COL25A1: variants seen among roughly 807,000 people sequenced by gnomAD.
COL25A1 encodes collagen type XXV alpha 1 chain.
Under a neutral mutation model 128.4 loss-of-function variants are expected in COL25A1, and 103 were observed. The ratio of observed to expected loss-of-function variants is 0.80; its 90% CI spans 0.68 to 0.94. COL25A1 has a LOEUF of 0.94. Ranked by LOEUF, COL25A1 falls within the 40% of genes least tolerant of loss-of-function variation. The pLI is 0.00. For synonymous variants in COL25A1, 279 were observed against 277.2 expected, an observed-to-expected ratio of 1.01 and a Z score of -0.06; for missense variants, 745 against 840.0, an observed-to-expected ratio of 0.89 and a Z score of 1.40.
rs55997800 is a variant in COL25A1 at position 109,254,469 on chromosome 4, TTATATATATATATATA to T, written c.367+46098_367+46113del. Reference sequence around the variant, plus strand: ...GTGCTATGTACATGTAGGCATATGTTTATATATATATATATATATATATATATATATATATATGTAT... The same window carrying T: ...GTGCTATGTACATGTAGGCATATGTTTATATATATATATATATATATGTAT... On this transcript the variant is annotated intron_variant, in intron 3 of 37. Transcript: ENST00000399132. 7.5e-3 allele frequency among the ~76,000 whole-genome samples: 448 copies of T among 59,584 alleles called. 23 individuals are homozygous for T. The highest frequency in any genetic ancestry group is 0.019 in the African/African-American group (335 of 18,012). The allele number at this position is 59,584 out of a possible 152,430, so 39.1% of individuals were successfully genotyped here. A position where few individuals can be genotyped will look rare whatever the true frequency, so the allele number is the denominator to read the frequency against.
chr4:109,140,243 G>A (rs1349472223), intron 3 of COL25A1, among the ~76,000 whole-genome samples: 1 of 151,958 alleles, frequency 6.6e-6, no homozygotes, highest in African/African-American at 2.4e-5. Context: ...CTGAGGAATT[G>A]TGTGTGGTGT....
chr4:109,275,933 C>T (rs1157824506), intron 3 of COL25A1, among the ~76,000 whole-genome samples: 1 of 152,160 alleles, frequency 6.6e-6, no homozygotes, highest in Non-Finnish European at 1.5e-5. Flanking sequence ...CCCTCCACCA[C>T]CCTTGCTTCT....
intron 8 of COL25A1, among the ~76,000 whole-genome samples, chr4:108,963,000 T>C (rs1750900026): frequency 6.6e-6 from 1 of 152,186 alleles, no homozygotes; most frequent in Admixed American, 6.5e-5. Flanking sequence ...AGGGGGCTGC[T>C]GGACACATTA....
At chr4:108,970,055 C>T (rs539170379) in intron 8 of COL25A1, among the ~76,000 whole-genome samples, 3 of 152,246 alleles carry the variant, frequency 2.0e-5, no homozygotes, top group Admixed American at 6.5e-5. Context: ...GCACTCGCCA[C>T]CACGCCTGGC....
In COL25A1 at chr4:109,131,850, G is replaced by A. The variant is rs115071180; in HGVS notation, c.368-81671C>T. ...GCAGTGCCAAGAAGGATAAGCATGC[G>A]CTGTTGCTGGACGATGTCAGCACAC... On this transcript the variant is annotated intron_variant, in intron 3 of 37. Transcript: ENST00000399132. 7.4e-3 allele frequency among the ~76,000 whole-genome samples: 1,128 copies of A among 152,234 alleles called. 8 individuals are homozygous for A. Among genetic ancestry groups the A allele is most frequent in the African/African-American group, 0.026 (1,072 of 41,522 alleles).
intron 24 of COL25A1, among the ~76,000 whole-genome samples, chr4:108,857,141 A>C (rs1736619987): frequency 6.6e-6 from 1 of 152,124 alleles, no homozygotes; most frequent in South Asian, 2.1e-4. Flanking sequence ...TTCTTGGAGG[A>C]TAAGAAAGTA....
chr4:109,259,224 C>T (rs987708222), intron 3 of COL25A1, among the ~76,000 whole-genome samples: 6 of 151,674 alleles, frequency 4.0e-5, no homozygotes, highest in East Asian at 1.9e-4. Flanking sequence ...TTCAATAGAG[C>T]GGTTGAAAAA....
intron 3 of COL25A1, among the ~76,000 whole-genome samples, chr4:109,060,929 T>C (rs932355376): frequency 6.6e-6 from 1 of 152,186 alleles, no homozygotes; most frequent in African/African-American, 2.4e-5. Flanking sequence ...GTCCATACTT[T>C]TCAACTCTAA....
At chr4:109,130,278 A>G (rs904035767) in intron 3 of COL25A1, among the ~76,000 whole-genome samples, 6 of 152,202 alleles carry the variant, frequency 3.9e-5, no homozygotes, top group Non-Finnish European at 8.8e-5. Context: ...ATAGTGCTCT[A>G]CATTATAACA....
chr4:109,137,637 T>C (rs184079015), intron 3 of COL25A1, among the ~76,000 whole-genome samples: 1 of 152,268 alleles, frequency 6.6e-6, no homozygotes. Context: ...ATATATCCCA[T>C]TAGATTATAG....
chr4:108,834,146 G>T (rs1411611795), intron 31 of COL25A1, among the ~76,000 whole-genome samples: 3 of 152,134 alleles, frequency 2.0e-5, no homozygotes, highest in Admixed American at 1.3e-4. Context: ...AGACATTCTG[G>T]CAGTTTAGCT....
chr4:109,003,825 C>T (rs539297726), intron 6 of COL25A1, among the ~76,000 whole-genome samples: 16 of 138,718 alleles, frequency 1.2e-4, no homozygotes, highest in African/African-American at 1.6e-4. Context: ...AACAAAAAAA[C>T]GAAATATAAA....
chr4:108,905,369 A>G (rs566695775), intron 13 of COL25A1, among the ~76,000 whole-genome samples: 1 of 152,236 alleles, frequency 6.6e-6, no homozygotes, highest in African/African-American at 2.4e-5. Context: ...ATTAATTCAT[A>G]TCATGTTAAA....
chr4:109,260,776 G>A (rs1218350886), intron 3 of COL25A1, among the ~76,000 whole-genome samples: 3 of 152,092 alleles, frequency 2.0e-5, no homozygotes, highest in Admixed American at 1.3e-4. Flanking sequence ...GATTACAGGC[G>A]TGAGCCACCA....
intron 3 of COL25A1, among the ~76,000 whole-genome samples, chr4:109,092,969 C>A (rs748345892): frequency 6.6e-6 from 1 of 150,948 alleles, no homozygotes; most frequent in Non-Finnish European, 1.5e-5. Flanking sequence ...TGTACTATTG[C>A]CAGAAAAAAA....
intron 3 of COL25A1, among the ~76,000 whole-genome samples, chr4:109,186,212 C>T (rs186813999): frequency 6.6e-6 from 1 of 152,276 alleles, no homozygotes; most frequent in Admixed American, 6.5e-5. Flanking sequence ...GAAACGACTC[C>T]AATTCTTGGT....
intron 35 of COL25A1, among the ~76,000 whole-genome samples, chr4:108,823,417 G>A (rs1253169183): frequency 2.6e-5 from 4 of 151,582 alleles, no homozygotes; most frequent in Admixed American, 2.6e-4. Context: ...GGGAAGGAGA[G>A]AAAAGAAACA....
chr4:109,166,329 C>T (rs1175184982), intron 3 of COL25A1, among the ~76,000 whole-genome samples: 1 of 152,154 alleles, frequency 6.6e-6, no homozygotes, highest in Admixed American at 6.5e-5. Flanking sequence ...AAAGCTTTTC[C>T]TGTAAATACA....
intron 23 of COL25A1, among the ~76,000 whole-genome samples, chr4:108,860,518 T>G (rs1737071645): frequency 6.6e-6 from 1 of 152,198 alleles, no homozygotes; most frequent in Admixed American, 6.5e-5. Flanking sequence ...TTTTAAGACT[T>G]CTACCCTGCT....
Sources: allele counts gnomAD v4.1 joint callset (sites outside exome capture counted in the v4.1 genomes callset), GRCh38; gene constraint gnomAD v4.1.1; transcripts MANE v1.5; gene names NCBI Gene and HGNC (gene_info 2026-07-23, HGNC 2026-07-21).